SORCS2: variants seen among roughly 807,000 people sequenced by gnomAD.
The protein encoded by SORCS2 is sortilin related VPS10 domain containing receptor 2.
In SORCS2, 100 loss-of-function variants were observed where a neutral mutation model predicts 141.6. The ratio of observed to expected loss-of-function variants is 0.71; its 90% CI spans 0.60 to 0.83. The LOEUF is 0.83. Among genes scored for constraint, SORCS2 ranks in the 40% least tolerant of loss-of-function variants. SORCS2 has a pLI of 0.00. For synonymous variants in SORCS2, 789 were observed against 676.9 expected, an observed-to-expected ratio of 1.17 and a Z score of -2.57; for missense variants, 1,646 against 1,560.2, an observed-to-expected ratio of 1.05 and a Z score of -0.93.
At chr4:7,221,186 T>C (rs1166079704) in intron 1 of SORCS2, among the ~76,000 whole-genome samples, 2 of 152,206 alleles carry the variant, frequency 1.3e-5, no homozygotes. Context: ...ATTATCACCT[T>C]TCTTTCCCCT....
chr4:7,740,283 CTT>C lies in SORCS2; in HGVS notation c.*22_*23del, dbSNP rs1712558987. 1.2e-6 allele frequency: 2 copies of C among 1,606,656 alleles called. No homozygotes were observed. Among genetic ancestry groups the C allele is most frequent in the East Asian group, 4.5e-5 (2 of 44,784 alleles). ...GAGCTGATGCCACCCCAGCATCTGT[CTT>C]TTCACCCACGGAGGGCACAGAACCA... On this transcript the variant is annotated 3_prime_UTR_variant, in exon 27 of 27. Coordinates refer to ENST00000507866, the MANE Select transcript of SORCS2 (RefSeq NM_020777.3).
intron 2 of SORCS2, among the ~76,000 whole-genome samples, chr4:7,422,336 C>T (rs985698388): frequency 2.6e-5 from 4 of 152,194 alleles, no homozygotes; most frequent in African/African-American, 9.6e-5. Context: ...CTGCCCGGAG[C>T]CTGCAGCCTC....
chr4:7,523,600 C>G (rs1421586089), intron 2 of SORCS2, among the ~76,000 whole-genome samples: 2 of 152,128 alleles, frequency 1.3e-5, no homozygotes, highest in East Asian at 3.9e-4. Context: ...AGCACCCCTT[C>G]CCTCCCTCTG....
At chr4:7,546,117 A>G (rs1713243055) in intron 3 of SORCS2, among the ~76,000 whole-genome samples, 1 of 152,110 alleles carries the variant, frequency 6.6e-6, no homozygotes. Flanking sequence ...CCTTGGGATT[A>G]GGGGTTCAGC....
intron 2 of SORCS2, among the ~76,000 whole-genome samples, chr4:7,460,704 C>A (rs1729247325): frequency 6.6e-6 from 1 of 152,018 alleles, no homozygotes; most frequent in Admixed American, 6.6e-5. Context: ...GGGAATAGGA[C>A]CTGGCTGGAT....
At chr4:7,400,747 A>G (rs1724523631) in intron 2 of SORCS2, among the ~76,000 whole-genome samples, 1 of 151,864 alleles carries the variant, frequency 6.6e-6, no homozygotes, top group South Asian at 2.1e-4. Context: ...GGATGAATGG[A>G]TTGATGGATT....
chr4:7,424,558 T>G (rs998468276), intron 2 of SORCS2, among the ~76,000 whole-genome samples: 1 of 152,118 alleles, frequency 6.6e-6, no homozygotes, highest in African/African-American at 2.4e-5. Flanking sequence ...ACCCAGTGTG[T>G]GGGTAACAGA....
rs567489955 is a variant in SORCS2, at chr4:7,403,949, G to A, written c.548+7594G>A. On this transcript the variant is annotated intron_variant, in intron 2 of 26. Coordinates refer to ENST00000507866, the MANE Select transcript of SORCS2 (RefSeq NM_020777.3). ...GTCTCCACTGCCTGTCATTTTCTCT[G>A]CCTCCATGTGTGTATATATATATAT... Among the ~76,000 whole-genome samples the A allele has an allele frequency of 1.7e-3, 188 of 111,594 alleles. 1 individual carries two copies. The highest frequency in any genetic ancestry group is 5.9e-3 in the African/African-American group (179 of 30,502). The allele number at this position is 111,594 out of a possible 152,430, so 73.2% of individuals were successfully genotyped here.
intron 3 of SORCS2, among the ~76,000 whole-genome samples, chr4:7,551,606 A>G (rs910219949): frequency 6.6e-6 from 1 of 152,130 alleles, no homozygotes; most frequent in Non-Finnish European, 1.5e-5. Flanking sequence ...GACAGCTCTG[A>G]GTGTCACTGT....
chr4:7,302,183 C>T (rs1717478502), intron 1 of SORCS2, among the ~76,000 whole-genome samples: 1 of 152,272 alleles, frequency 6.6e-6, no homozygotes, highest in Admixed American at 6.5e-5. Context: ...GAGATCCTCA[C>T]AGGCAGGCAC....
At chr4:7,240,517 C>G (rs913830758) in intron 1 of SORCS2, among the ~76,000 whole-genome samples, 2 of 152,124 alleles carry the variant, frequency 1.3e-5, no homozygotes, top group Non-Finnish European at 2.9e-5. Context: ...TTCTGCCGAA[C>G]GTTTCCCCGT....
rs373596355 is a variant in SORCS2 at position 7,672,134 on chromosome 4, G to A, written c.1162-3916G>A. ...AATTTTGTATTTTTAATAGAGACAG[G>A]GTTTCACCATGTTGGCTAGGCTGGT... On this transcript the variant is annotated intron_variant, in intron 8 of 26. Coordinates refer to ENST00000507866, the MANE Select transcript of SORCS2 (RefSeq NM_020777.3). 2.1e-4 allele frequency among the ~76,000 whole-genome samples: 32 copies of A among 152,014 alleles called. 1 individual carries two copies. The highest frequency in any genetic ancestry group is 1.7e-3 in the South Asian group (8 of 4,808).
At chr4:7,701,115 G>A (rs1725049807) in intron 12 of SORCS2, among the ~76,000 whole-genome samples, 1 of 152,096 alleles carries the variant, frequency 6.6e-6, no homozygotes, top group Non-Finnish European at 1.5e-5. Flanking sequence ...CTTGGCCCTG[G>A]TGGCACCACC....
At chr4:7,652,483 G>A (rs946584901) in intron 4 of SORCS2, among the ~76,000 whole-genome samples, 3 of 152,138 alleles carry the variant, frequency 2.0e-5, no homozygotes, top group Non-Finnish European at 4.4e-5. Flanking sequence ...CAGACCTGGG[G>A]CACTGACCCG....
In SORCS2 at chr4:7,201,458, A is replaced by G. The variant is rs78575960; in HGVS notation, c.480+8332A>G. Reference sequence around the variant, plus strand: ...CCTCATTCCTCGGCACGCCCCTCAGATGAGAAGGCAGCCCAGAGCTTGCGT... The same window carrying G: ...CCTCATTCCTCGGCACGCCCCTCAGGTGAGAAGGCAGCCCAGAGCTTGCGT... On this transcript the variant is annotated intron_variant, in intron 1 of 26. Transcript: ENST00000507866. This position sits in a 1 kb window ranked among gnomAD's most constrained non-coding sequence, Gnocchi z 4.4. Among the ~76,000 whole-genome samples the G allele has an allele frequency of 0.054, 8,239 of 152,320 alleles. 329 individuals are homozygous for G. The highest frequency in any genetic ancestry group is 0.21 in the East Asian group (1,082 of 5,180).
intron 1 of SORCS2, among the ~76,000 whole-genome samples, chr4:7,203,600 C>G (rs957637409): frequency 6.7e-6 from 1 of 149,204 alleles, no homozygotes; most frequent in Non-Finnish European, 1.5e-5. Context: ...GGCGACAGAG[C>G]AAGACTCTGC....
chr4:7,413,025 T>A (rs912779150), intron 2 of SORCS2, among the ~76,000 whole-genome samples: 6 of 152,128 alleles, frequency 3.9e-5, no homozygotes, highest in Non-Finnish European at 2.9e-5. Context: ...AATTTCAGTG[T>A]TAACCGCCTC....
intron 3 of SORCS2, among the ~76,000 whole-genome samples, chr4:7,638,006 G>A (rs991987372): frequency 6.6e-6 from 1 of 152,198 alleles, no homozygotes; most frequent in African/African-American, 2.4e-5. Context: ...GATTCACACT[G>A]AGCCGGTCAG....
chr4:7,659,625 G>C (rs887352659), intron 5 of SORCS2, among the ~76,000 whole-genome samples: 1 of 152,238 alleles, frequency 6.6e-6, no homozygotes, highest in Non-Finnish European at 1.5e-5. Flanking sequence ...ATAAATTCAA[G>C]GCAGAATTGG....
Sources: gnomAD v4.1 joint callset for allele counts (sites outside exome capture counted in the v4.1 genomes callset) on GRCh38, gnomAD v4.1.1 for gene constraint, Gnocchi (gnomAD v3.1) non-coding constraint, MANE v1.5 for transcripts, NCBI Gene and HGNC (gene_info 2026-07-23, HGNC 2026-07-21) for gene names.